The following GALNT13 variants were observed in gnomAD, a reference collection of about 807,000 sequenced individuals.
The protein encoded by GALNT13 is polypeptide N-acetylgalactosaminyltransferase 13, also known as UDP-GalNAc:polypeptide N-acetylgalactosaminyltransferase 13.
GALNT13 carries 28 observed loss-of-function variants against 64.2 expected under a neutral mutation model. That is an observed-to-expected ratio of 0.44 (90% CI 0.32 to 0.60). The LOEUF is 0.60. Among genes scored for constraint, GALNT13 ranks in the 20% least tolerant of loss-of-function variants. The pLI, the probability that GALNT13 is intolerant of heterozygous loss-of-function variation, is 0.05. For synonymous variants in GALNT13, 214 were observed against 224.6 expected, an observed-to-expected ratio of 0.95 and a Z score of 0.42; for missense variants, 577 against 669.8, an observed-to-expected ratio of 0.86 and a Z score of 1.53.
chr2:154,051,495 T>C (rs1699615748), intron 3 of GALNT13, among the ~76,000 whole-genome samples: 1 of 151,558 alleles, frequency 6.6e-6, no homozygotes, highest in Admixed American at 6.6e-5. Flanking sequence ...TTTCACCTTG[T>C]TAGCCAGGAT....
chr2:154,287,181 A>C, intron 8 of GALNT13: 2 of 1,483,158 alleles, frequency 1.3e-6, no homozygotes, highest in Admixed American at 3.4e-5. Flanking sequence ...TTGGCTCAGC[A>C]GGAAGCAGAG....
the GALNT13 span, among the ~76,000 whole-genome samples, chr2:153,325,940 G>A: frequency 6.6e-6 from 1 of 152,144 alleles, no homozygotes. Flanking sequence ...TTTAGAATAA[G>A]TGTTATGTGG....
the GALNT13 span, among the ~76,000 whole-genome samples, chr2:153,491,594 A>T: frequency 7.6e-5 from 11 of 145,382 alleles, no homozygotes; most frequent in East Asian, 4.0e-4. Context: ...AAACCATATT[A>T]TATTTATTTA....
At chr2:153,846,122 C>A in the GALNT13 span, among the ~76,000 whole-genome samples, 1 of 151,938 alleles carries the variant, frequency 6.6e-6, no homozygotes, top group Admixed American at 6.6e-5. Flanking sequence ...TAGGCAGAAG[C>A]AAAATGATTC....
At chr2:154,103,838 G>A (rs1330853264) in intron 3 of GALNT13, among the ~76,000 whole-genome samples, 2 of 152,158 alleles carry the variant, frequency 1.3e-5, no homozygotes, top group African/African-American at 2.4e-5. Context: ...CTCACCTGCT[G>A]TGGGAATGAG....
At chr2:153,218,578 C>G in the GALNT13 span, among the ~76,000 whole-genome samples, 1 of 152,244 alleles carries the variant, frequency 6.6e-6, no homozygotes, top group African/African-American at 2.4e-5. Context: ...ATGTACCCCT[C>G]TTCCAGGCCT....
At chr2:153,651,650 A>T in the GALNT13 span, among the ~76,000 whole-genome samples, 1 of 152,172 alleles carries the variant, frequency 6.6e-6, no homozygotes, top group African/African-American at 2.4e-5. Context: ...ATTGAAGCTG[A>T]CCATAGGGCT....
intron 4 of GALNT13, among the ~76,000 whole-genome samples, chr2:154,208,303 G>A (rs979922868): frequency 6.6e-6 from 1 of 152,094 alleles, no homozygotes; most frequent in Non-Finnish European, 1.5e-5. Context: ...GAGTCATTAT[G>A]AGAAAAGCAG....
chr2:153,606,923 C>G, the GALNT13 span, among the ~76,000 whole-genome samples: 1 of 149,892 alleles, frequency 6.7e-6, no homozygotes, highest in African/African-American at 2.5e-5. Flanking sequence ...TCTCCATACT[C>G]CCTATCAATC....
intron 3 of GALNT13, among the ~76,000 whole-genome samples, chr2:153,950,885 T>A (rs1382922303): frequency 1.3e-5 from 2 of 151,996 alleles, no homozygotes; most frequent in African/African-American, 4.8e-5. Context: ...AATATATCCA[T>A]GTAACAAACT....
the GALNT13 span, among the ~76,000 whole-genome samples, chr2:153,315,171 A>T: frequency 1.3e-5 from 2 of 152,226 alleles, no homozygotes; most frequent in Non-Finnish European, 2.9e-5. Flanking sequence ...AAGAAGACAC[A>T]ACAACCTTTT....
At chr2:153,936,800 C>A (rs1006971844) in intron 2 of GALNT13, among the ~76,000 whole-genome samples, 1 of 151,790 alleles carries the variant, frequency 6.6e-6, no homozygotes, top group Non-Finnish European at 1.5e-5. Context: ...GGCTCACTGC[C>A]ATCTCCACCT....
chr2:153,478,693 T>C, the GALNT13 span: 1 of 774,020 alleles, frequency 1.3e-6, no homozygotes, highest in Non-Finnish European at 2.1e-6. Context: ...CTCGCTCTGC[T>C]TTCGAAAGTC....
chr2:154,289,483 G>A (rs563435338), intron 8 of GALNT13, among the ~76,000 whole-genome samples: 1 of 152,266 alleles, frequency 6.6e-6, no homozygotes, highest in African/African-American at 2.4e-5. Flanking sequence ...ATCTTACAAA[G>A]CAGCAGGCAA....
intron 8 of GALNT13, among the ~76,000 whole-genome samples, chr2:154,273,527 C>T (rs1444747925): frequency 6.6e-6 from 1 of 152,144 alleles, no homozygotes; most frequent in African/African-American, 2.4e-5. Flanking sequence ...CATACAATCA[C>T]ACACTACATA....
the GALNT13 span, among the ~76,000 whole-genome samples, chr2:153,360,157 G>A: frequency 2.0e-5 from 3 of 152,310 alleles, no homozygotes; most frequent in South Asian, 4.1e-4. Flanking sequence ...AAGAGCAGTG[G>A]GGTATGACAG....
intron 1 of GALNT13, among the ~76,000 whole-genome samples, chr2:153,879,480 G>T (rs1020156095): frequency 1.3e-5 from 2 of 151,866 alleles, no homozygotes; most frequent in African/African-American, 4.8e-5. Flanking sequence ...ACCCCTTGGC[G>T]CAGCCTCCCA....
the GALNT13 span, among the ~76,000 whole-genome samples, chr2:153,434,869 A>G: frequency 8.0e-4 from 122 of 152,082 alleles, no homozygotes; most frequent in Non-Finnish European, 1.3e-3. Context: ...TTTTGTTGCC[A>G]TTGCTTTTGG....
At chr2:153,716,689 AC>A in the GALNT13 span, among the ~76,000 whole-genome samples, 1 of 152,180 alleles carries the variant, frequency 6.6e-6, no homozygotes, top group Non-Finnish European at 1.5e-5. Flanking sequence ...TCAATGGTTC[AC>A]TAATAATTTA....
Sources: allele counts gnomAD v4.1 joint callset (sites outside exome capture counted in the v4.1 genomes callset), GRCh38; gene constraint gnomAD v4.1.1; transcripts MANE v1.5; gene names NCBI Gene and HGNC (gene_info 2026-07-23, HGNC 2026-07-21).